Variants in PCGF3 observed in about 807,000 individuals in gnomAD.
PCGF3 encodes polycomb group ring finger 3, also known as polycomb group RING finger protein 3.
A neutral mutation model predicts 33.1 loss-of-function variants in PCGF3; 7 were observed. The observed-to-expected ratio is 0.21, with a 90% confidence interval of 0.12 to 0.40. The LOEUF (loss-of-function observed/expected upper bound fraction) is 0.40, where lower values mean the gene tolerates loss of function less well. Among genes scored for constraint, PCGF3 ranks in the 10% least tolerant of loss-of-function variants. The pLI, the probability that PCGF3 is intolerant of heterozygous loss-of-function variation, is 1.00. For missense variants in PCGF3, 211 were observed against 313.3 expected (o/e 0.67, Z 2.46); for synonymous variants, 153 against 121.3 (o/e 1.26, Z -1.72).
chr4:765,455 C>T (rs1001653701), intron 10 of PCGF3, among the ~76,000 whole-genome samples: 1 of 151,596 alleles, frequency 6.6e-6, no homozygotes, highest in Non-Finnish European at 1.5e-5. Flanking sequence ...AAAGTGATGA[C>T]TCAGCTACAG....
intron 10 of PCGF3, among the ~76,000 whole-genome samples, 188 bp from the exon 11 acceptor site, chr4:765,844 C>A (rs181468565): frequency 3.9e-5 from 6 of 152,288 alleles, no homozygotes; most frequent in Admixed American, 3.9e-4. Flanking sequence ...CACATGTCTT[C>A]CTAGCCCGTC....
rs1258264411 is a variant in PCGF3, at chr4:721,773, G to A, written c.-189-8857G>A. ...GGAGGGGCCTGTGGGAGGTGGATGG[G>A]TTGGGTGGCTCTGTGTATGGGCATG... On this transcript the variant is annotated intron_variant, in intron 1 of 10. Transcript: ENST00000362003. This position sits in a 1 kb window ranked among gnomAD's most constrained non-coding sequence, Gnocchi z 4.1. Among the ~76,000 whole-genome samples the A allele has an allele frequency of 1.0e-5, 1 of 100,384 alleles. No homozygotes were observed. Among genetic ancestry groups the A allele is most frequent in the Admixed American group, 1.0e-4 (1 of 10,032 alleles). 65.9% of individuals were successfully genotyped at this position (100,384 alleles called of 152,430 possible). A position where few individuals can be genotyped will look rare whatever the true frequency, so the allele number is the denominator to read the frequency against.
chr4:756,039 G>C (rs1192371297), intron 8 of PCGF3, among the ~76,000 whole-genome samples: 1 of 150,842 alleles, frequency 6.6e-6, no homozygotes, highest in East Asian at 1.9e-4. Flanking sequence ...CAGCCTTACA[G>C]AGTAGCTGGG....
In PCGF3 at chr4:720,303, A is replaced by G. The variant is rs62296764; in HGVS notation, c.-189-10327A>G. ...GTGACTGCGGGAGGAGTGCCCGCCC[A>G]TGCATCGCTGGGGAGGGTGACTGCG... On this transcript the variant is annotated intron_variant, in intron 1 of 10. Coordinates refer to ENST00000362003, the Ensembl canonical transcript of PCGF3. The surrounding 1 kb of genome is among the most constrained non-coding windows in gnomAD (Gnocchi z 5.6). 0.022 allele frequency among the ~76,000 whole-genome samples: 3,307 copies of G among 150,910 alleles called. 59 individuals carry two copies. The highest frequency in any genetic ancestry group is 0.032 in the Non-Finnish European group (2,146 of 67,542).
exon 4 of PCGF3, chr4:733,675 C>G (rs1252415948): frequency 1.1e-5 from 18 of 1,600,392 alleles, no homozygotes; most frequent in Non-Finnish European, 1.5e-5. Context: ...CTTGTAGAAG[C>G]CAAAGATGTT....
chr4:767,648 C>G (rs1471342968), exon 11 of PCGF3: 3 of 152,162 alleles, frequency 2.0e-5, no homozygotes, highest in Middle Eastern at 6.3e-3. Context: ...ATATTAATTC[C>G]ATCTGAGTGA....
intron 8 of PCGF3, among the ~76,000 whole-genome samples, chr4:751,476 G>A (rs1219540114): frequency 6.6e-6 from 1 of 152,074 alleles, no homozygotes; most frequent in Admixed American, 6.5e-5. Flanking sequence ...AGCCCAGTGC[G>A]GTGGCCCCTG....
intron 3 of PCGF3, among the ~76,000 whole-genome samples, chr4:731,528 G>T (rs1354522294): frequency 6.6e-6 from 1 of 151,208 alleles, no homozygotes; most frequent in Non-Finnish European, 1.5e-5. Context: ...GGGTGGGCGT[G>T]GCCCTCAGGG....
At chr4:753,655 AAAG>A (rs925292769) in intron 8 of PCGF3, among the ~76,000 whole-genome samples, 9 of 151,108 alleles carry the variant, frequency 6.0e-5, no homozygotes, top group Non-Finnish European at 5.9e-5. Context: ...AAAAAAAAAA[AAAG>A]AAGACTGGAC....
intron 1 of PCGF3, among the ~76,000 whole-genome samples, chr4:718,257 G>A (rs1742938944): frequency 6.6e-6 from 1 of 152,094 alleles, no homozygotes; most frequent in South Asian, 2.1e-4. Context: ...CGGGGGGTCT[G>A]TGGGGTAGCC....
At chr4:768,938 A>T (rs1358559532) in exon 11 of PCGF3, 1 of 152,698 alleles carries the variant, frequency 6.5e-6, no homozygotes, top group Non-Finnish European at 1.5e-5. Context: ...TTAAATGGTA[A>T]TGTAGCATTT....
At chr4:744,483 G>T in intron 7 of PCGF3, 117 bp from the exon 8 acceptor site, 1 of 750,810 alleles carries the variant, frequency 1.3e-6, no homozygotes. Flanking sequence ...TCCGCTCCGG[G>T]GGTCCAGAGT....
Position 764,948 on chromosome 4 carries a change from CCT to C in PCGF3, c.601-32_601-31del, listed in dbSNP as rs1183092467. The C allele has an allele frequency of 4.7e-6, 7 of 1,493,950 alleles. No individual in the cohort carries two copies. In the South Asian group the frequency reaches 6.8e-5, roughly 15 times the overall value. The allele number at this position is 1,493,950 out of a possible 1,614,324, so 92.5% of individuals were successfully genotyped here. ...TGGCCATGTCAGTGTGGGTTGAGCA[CCT>C]CTCCGCTGCTAATCAAACCTCCTTA... On this transcript the variant is annotated intron_variant, in intron 9 of 10. Coordinates refer to ENST00000362003, the Ensembl canonical transcript of PCGF3.
intron 1 of PCGF3, among the ~76,000 whole-genome samples, chr4:726,056 G>C (rs1374900924): frequency 1.3e-5 from 2 of 152,164 alleles, no homozygotes; most frequent in African/African-American, 2.4e-5. Context: ...ACCAGCAGTG[G>C]GCAGCCGCGG....
chr4:734,898 C>G lies in PCGF3; in HGVS notation c.110-33C>G, dbSNP rs372818520. 1.9e-5 allele frequency: 31 copies of G among 1,605,330 alleles called. No individual in the cohort carries two copies. The South Asian group carries it at 3.0e-4, about 16-fold the overall frequency. On this transcript the variant is annotated intron_variant, in intron 4 of 10. Transcript: ENST00000362003. ...ATGGGGTGGGCGCCCTGGCTCTAGA[C>G]GCTCTCCTAACACACCTGTGCTTTG...
At chr4:748,103 G>A (rs974735570) in intron 8 of PCGF3, among the ~76,000 whole-genome samples, 2 of 152,162 alleles carry the variant, frequency 1.3e-5, no homozygotes, top group Non-Finnish European at 2.9e-5. Flanking sequence ...GCCTCTTCGT[G>A]TGTCATTTAC....
In PCGF3 at chr4:764,703, C is replaced by T. The variant is rs114682281; in HGVS notation, c.601-281C>T. 1.4e-3 allele frequency: 499 copies of T among 354,406 alleles called. 1 individual carries two copies. Among genetic ancestry groups the T allele is most frequent in the African/African-American group, 9.6e-3 (455 of 47,236 alleles). The allele number at this position is 354,406 out of a possible 1,614,324, so 22.0% of individuals were successfully genotyped here. On this transcript the variant is annotated intron_variant, in intron 9 of 10. Coordinates refer to ENST00000362003, the Ensembl canonical transcript of PCGF3. ...AAGGAGCTTGTGCCTGCGCCTGCACCCCCTGCAGAAACGTCATCCCCCTAA... is the reference window on the plus strand; with the variant it reads ...AAGGAGCTTGTGCCTGCGCCTGCACTCCCTGCAGAAACGTCATCCCCCTAA...
intron 9 of PCGF3, 96 bp downstream of exon 9, chr4:761,512 C>T (rs554520232): frequency 6.9e-7 from 1 of 1,441,190 alleles, no homozygotes; most frequent in African/African-American, 1.4e-5. Context: ...TTGTTTTTAA[C>T]AATTTTGGAG....
At chr4:717,580 G>C (rs1456501550) in intron 1 of PCGF3, among the ~76,000 whole-genome samples, 1 of 152,158 alleles carries the variant, frequency 6.6e-6, no homozygotes, top group Admixed American at 6.5e-5. Flanking sequence ...GGGTTTCACT[G>C]TATTGGCCAA....
Sources: gnomAD v4.1 joint callset for allele counts (sites outside exome capture counted in the v4.1 genomes callset) on GRCh38, gnomAD v4.1.1 for gene constraint, Gnocchi (gnomAD v3.1) non-coding constraint, MANE v1.5 for transcripts, NCBI Gene and HGNC (gene_info 2026-07-23, HGNC 2026-07-21) for gene names.